Variants in ATG4A observed in about 807,000 individuals in gnomAD.
The protein encoded by ATG4A is cysteine protease ATG4A.
In ATG4A, 22 loss-of-function variants were observed where a neutral mutation model predicts 38.4. That is an observed-to-expected ratio of 0.57 (90% CI 0.41 to 0.82). The LOEUF is 0.82. Among genes scored for constraint, ATG4A ranks in the 40% least tolerant of loss-of-function variants. The pLI is 0.00. For missense variants in ATG4A, 220 were observed against 290.0 expected, an observed-to-expected ratio of 0.76 and a Z score of 1.75; for synonymous variants, 86 against 100.7, an observed-to-expected ratio of 0.85 and a Z score of 0.88.
chrX:108,152,592 C>T (rs887500800), intron 11 of ATG4A, among the ~76,000 whole-genome samples: 8 of 111,783 alleles, frequency 7.2e-5, no homozygotes, highest in Non-Finnish European at 1.5e-4. Context: ...TGAAACCATG[C>T]CAATATGTAG....
At chrX:108,143,394 G>A (rs947873296) in intron 9 of ATG4A, among the ~76,000 whole-genome samples, 2 of 111,340 alleles carry the variant, frequency 1.8e-5, no homozygotes, top group African/African-American at 3.3e-5. Context: ...TGGGCCGTTT[G>A]TAGTCCTGCC....
At chrX:108,125,578 T>C (rs1021959686) in intron 1 of ATG4A, among the ~76,000 whole-genome samples, 1 of 112,441 alleles carries the variant, frequency 8.9e-6, no homozygotes, top group Non-Finnish European at 1.9e-5. Context: ...TGAAAACATC[T>C]GGCCTTTCAG....
chrX:108,141,059 T>C (rs1426007507), intron 9 of ATG4A, among the ~76,000 whole-genome samples: 1 of 30,331 alleles, frequency 3.3e-5, no homozygotes, highest in Non-Finnish European at 6.1e-5. Context: ...CATATATACG[T>C]GTATATATAT....
intron 1 of ATG4A, among the ~76,000 whole-genome samples, chrX:108,097,645 CT>C (rs2031868863): frequency 8.9e-6 from 1 of 111,970 alleles, no homozygotes; most frequent in Non-Finnish European, 1.9e-5. Context: ...TTTAATTACA[CT>C]AAATATTTTA....
At chrX:108,104,617 C>G (rs807177) in intron 1 of ATG4A, among the ~76,000 whole-genome samples, 5,753 of 111,537 alleles carry the variant, frequency 0.052, 399 homozygotes, top group African/African-American at 0.18. Flanking sequence ...CAATGTTTCT[C>G]AGTGTGGATT....
rs2033147747 is a variant in ATG4A at position 108,137,910 on chromosome X, A to G, written c.654A>G (p.Ser218=). The G allele has an allele frequency of 1.7e-6, 2 of 1,209,055 alleles. No homozygotes were observed. The highest frequency in any genetic ancestry group is 2.2e-6 in the Non-Finnish European group (2 of 894,402). ...NQSKGTSAYC[S]AWKPLLLIVP... is the part of the protein sequence containing the mutation. ...GTAAGGGCACCTCTGCCTACTGCTC[A>G]GCCTGGAAACCCCTGCTGCTCATTG... Residue 218 remains serine (S), a synonymous_variant, in exon 8 of 13, where the codon TCA becomes TCG. Coordinates refer to ENST00000372232, the MANE Select transcript of ATG4A (RefSeq NM_052936.5).
chrX:108,104,186 A>C (rs1334197561), intron 1 of ATG4A, among the ~76,000 whole-genome samples: 2 of 112,455 alleles, frequency 1.8e-5, no homozygotes, highest in African/African-American at 3.2e-5. Flanking sequence ...AAAGTGATTT[A>C]CCCACCACTA....
chrX:108,096,029 C>T (rs1483422219), intron 1 of ATG4A, among the ~76,000 whole-genome samples: 1 of 112,181 alleles, frequency 8.9e-6, no homozygotes, highest in Non-Finnish European at 1.9e-5. Flanking sequence ...CATATCTTTA[C>T]CAATACTTAT....
At chrX:108,116,206 C>T (rs752763342) in intron 1 of ATG4A, among the ~76,000 whole-genome samples, 10 of 112,243 alleles carry the variant, frequency 8.9e-5, no homozygotes, top group Non-Finnish European at 1.9e-4. Context: ...AGTGAAGGTA[C>T]GTGTGTAATT....
chrX:108,127,244 A>ACGCCTC (rs1037151019), intron 2 of ATG4A: 20 of 114,199 alleles, frequency 1.8e-4, no homozygotes, highest in Admixed American at 1.7e-3. Context: ...AAATTGGGAA[A>ACGCCTC]CGCCTCTTAA....
intron 4 of ATG4A, among the ~76,000 whole-genome samples, chrX:108,133,072 T>A (rs1471935887): frequency 8.9e-6 from 1 of 112,215 alleles, no homozygotes; most frequent in Non-Finnish European, 1.9e-5. Context: ...TGAAAAGAAG[T>A]TGGATGTGGT....
chrX:108,118,686 A>C (rs1337167853), intron 1 of ATG4A, among the ~76,000 whole-genome samples: 1 of 111,161 alleles, frequency 9.0e-6, no homozygotes, highest in Non-Finnish European at 1.9e-5. Flanking sequence ...AATGCATGTA[A>C]ATGTATGGTG....
chrX:108,090,502 G>C (rs900575877), upstream of ATG4A, among the ~76,000 whole-genome samples: 1 of 112,036 alleles, frequency 8.9e-6, no homozygotes, highest in African/African-American at 3.3e-5. Context: ...ACCAGGTAAA[G>C]ATAAGGCCAT....
chrX:108,138,956 G>C (rs980955945), intron 9 of ATG4A, among the ~76,000 whole-genome samples: 27 of 111,965 alleles, frequency 2.4e-4, no homozygotes, highest in Non-Finnish European at 2.1e-4. Context: ...TAAACACCTG[G>C]TTAGTGTTGA....
At chrX:108,108,878 C>A (rs900230610) in intron 1 of ATG4A, among the ~76,000 whole-genome samples, 13 of 111,771 alleles carry the variant, frequency 1.2e-4, no homozygotes, top group Admixed American at 3.8e-4. Context: ...TTTTTTGTGA[C>A]TGAGATATAC....
chrX:108,098,304 T>C (rs1355245111), intron 1 of ATG4A, among the ~76,000 whole-genome samples: 1 of 112,338 alleles, frequency 8.9e-6, no homozygotes, highest in Non-Finnish European at 1.9e-5. Flanking sequence ...ACTTTATATT[T>C]ACTCCCTGAG....
intron 9 of ATG4A, among the ~76,000 whole-genome samples, chrX:108,142,065 C>T (rs976755768): frequency 2.7e-5 from 3 of 111,331 alleles, no homozygotes; most frequent in African/African-American, 6.5e-5. Context: ...GGCCATTATC[C>T]TAAGTGTACT....
At chrX:108,115,961 G>A (rs1439783430) in intron 1 of ATG4A, among the ~76,000 whole-genome samples, 1 of 112,055 alleles carries the variant, frequency 8.9e-6, no homozygotes, top group Admixed American at 9.4e-5. Flanking sequence ...TTCACACAGT[G>A]GGCTGGGTCT....
chrX:108,150,129 T>C, intron 9 of ATG4A, 23 bp from the exon 10 acceptor site: 1 of 1,208,824 alleles, frequency 8.3e-7, no homozygotes, highest in South Asian at 1.8e-5. Flanking sequence ...CTTTGAAGGT[T>C]AAGCATATCT....
Sources: gnomAD v4.1 joint callset for allele counts (sites outside exome capture counted in the v4.1 genomes callset) on GRCh38, gnomAD v4.1.1 for gene constraint, MANE v1.5 for transcripts, NCBI Gene and HGNC (gene_info 2026-07-23, HGNC 2026-07-21) for gene names.